The following ABCB1 variants were observed in gnomAD, a reference collection of about 807,000 sequenced individuals.
ABCB1 encodes ATP-dependent translocase ABCB1.
In ABCB1, 69 loss-of-function variants were observed where a neutral mutation model predicts 142.0. The observed-to-expected ratio is 0.49, with a 90% CI of 0.40 to 0.59. The LOEUF (loss-of-function observed/expected upper bound fraction) is 0.59, where lower values mean the gene tolerates loss of function less well. ABCB1 is among the 20% of genes least tolerant of loss of function. The pLI is 0.00. For missense variants in ABCB1, 1,326 were observed against 1,554.7 expected (o/e 0.85, Z 2.47); for synonymous variants, 532 against 539.2 (o/e 0.99, Z 0.18).
chr7:87,698,575 T>G (rs1828721937), intron 1 of ABCB1, among the ~76,000 whole-genome samples: 1 of 151,482 alleles, frequency 6.6e-6, no homozygotes, highest in African/African-American at 2.4e-5. Context: ...GATAATTGGA[T>G]TTTTTTAAAT....
intron 1 of ABCB1, among the ~76,000 whole-genome samples, chr7:87,673,498 C>T (rs926427119): frequency 1.3e-5 from 2 of 152,224 alleles, no homozygotes; most frequent in East Asian, 1.9e-4. Flanking sequence ...TCAGTTTGGT[C>T]GAATCTGCTA....
intron 25 of ABCB1, among the ~76,000 whole-genome samples, chr7:87,512,224 A>G (rs778167267): frequency 3.3e-5 from 5 of 151,778 alleles, no homozygotes; most frequent in Non-Finnish European, 5.9e-5. Context: ...AATCCCTACA[A>G]TTGTATAACC....
intron 1 of ABCB1, among the ~76,000 whole-genome samples, chr7:87,675,841 G>A (rs1476239866): frequency 6.6e-6 from 1 of 152,046 alleles, no homozygotes; most frequent in African/African-American, 2.4e-5. Flanking sequence ...AATTGACATT[G>A]TTCTTGGCAA....
intron 21 of ABCB1, among the ~76,000 whole-genome samples, chr7:87,525,289 G>GA (rs1815734722): frequency 6.6e-6 from 1 of 152,046 alleles, no homozygotes; most frequent in Non-Finnish European, 1.5e-5. Flanking sequence ...TTTCTAGAAA[G>GA]AAAAAATAGC....
intron 7 of ABCB1, among the ~76,000 whole-genome samples, chr7:87,564,942 T>C (rs1424585311): frequency 2.0e-5 from 3 of 152,226 alleles, no homozygotes; most frequent in African/African-American, 7.2e-5. Flanking sequence ...AAAAATCAAT[T>C]GACAAGAAGC....
Position 87,509,469 on chromosome 7 carries a change from T to C in ABCB1, c.3295A>G (p.Lys1099Glu), listed in dbSNP as rs41309225. The C allele has an allele frequency of 1.9e-6, 3 of 1,614,114 alleles. No homozygotes were observed. The highest frequency in any genetic ancestry group is 3.3e-5 in the Admixed American group (2 of 60,020). The change falls in exon 26 of 28, where the codon AAA becomes GAA. Residue 1099 changes from lysine (K) to glutamate (E), a missense_variant. Lys to Glu is a moderately conservative substitution (Grantham distance 56). Transcript: ENST00000622132. ...TGAACATTCAGTCGCTTTATTTCTT[T>C]GCCATCAAGCAGCTGAAAACAAGAG... ...PLAGKVLLDGKEIKRLNVQWL... is the reference protein window; with the variant it reads ...PLAGKVLLDGEEIKRLNVQWL...
chr7:87,654,370 G>A (rs926240782), intron 1 of ABCB1, among the ~76,000 whole-genome samples: 1 of 152,004 alleles, frequency 6.6e-6, no homozygotes, highest in African/African-American at 2.4e-5. Context: ...GATGTTACCA[G>A]CATAAAAACA....
chr7:87,624,112 G>T (rs965147023), intron 1 of ABCB1, among the ~76,000 whole-genome samples: 3 of 152,058 alleles, frequency 2.0e-5, no homozygotes, highest in African/African-American at 7.2e-5. Context: ...TTTTGACTTT[G>T]CTTATGATGA....
At chr7:87,694,093 T>C in intron 1 of ABCB1, 1 of 1,489,516 alleles carries the variant, frequency 6.7e-7, no homozygotes. Context: ...CTTTTTTGTG[T>C]GTTTTTGTTT....
intron 15 of ABCB1, 116 bp downstream of exon 15, chr7:87,545,746 AG>A: frequency 9.2e-7 from 1 of 1,082,306 alleles, no homozygotes; most frequent in Non-Finnish European, 1.3e-6. Flanking sequence ...TGAATCCCCC[AG>A]GTGTTGTTTC....
Position 87,566,219 on chromosome 7 carries a change from C to T in ABCB1, c.553G>A (p.Gly185Arg). The change falls in exon 7 of 28, where the codon GGA (glycine) becomes AGA (arginine). Residue 185 changes from glycine (G) to arginine (R), a missense_variant. By Grantham distance (125) the Gly-to-Arg change is moderately radical. Transcript: ENST00000622132. ...AACATTCCAATTTTGTCACCAATTCCTTCATTAATCTTGGAGACATCACTG... is the reference window on the plus strand; with the variant it reads ...AACATTCCAATTTTGTCACCAATTCTTTCATTAATCTTGGAGACATCACTG... ...LTDDVSKINE[G>R]IGDKIGMFFQ... 1 of 1,613,968 alleles carries T rather than the reference C, an allele frequency of 6.2e-7. No homozygotes were observed. The highest frequency in any genetic ancestry group is 8.5e-7 in the Non-Finnish European group (1 of 1,179,896).
At chr7:87,656,889 A>G (rs1393768657) in intron 1 of ABCB1, among the ~76,000 whole-genome samples, 2 of 152,138 alleles carry the variant, frequency 1.3e-5, no homozygotes, top group Non-Finnish European at 2.9e-5. Flanking sequence ...ATTCAATTGT[A>G]TTTATTGAGT....
At position 87,553,542 on chromosome 7, in the gene ABCB1, G is replaced by T. The variant is rs370085627; in HGVS notation, c.999+219C>A. On this transcript the variant is annotated intron_variant, in intron 9 of 27. Coordinates refer to ENST00000622132, the MANE Select transcript of ABCB1 (RefSeq NM_001348946.2). ...TCACCATGTTAGCCAGGATGGTCTC[G>T]ATCTCCTGACCTCGTGATCTGCCTG... Among the ~76,000 whole-genome samples the T allele has an allele frequency of 2.8e-4, 43 of 152,036 alleles. No individual in the cohort carries two copies. In the East Asian group the frequency reaches 8.3e-3, roughly 29 times the overall value.
rs547369800 is a variant in ABCB1, at chr7:87,707,417, T to C, written c.-331+5744A>G. Among the ~76,000 whole-genome samples the C allele has an allele frequency of 2.0e-5, 3 of 152,304 alleles. No individual in the cohort carries two copies. The South Asian group carries it at 6.2e-4, about 32-fold the overall frequency. ...TTCAAAGGCCGGGTGTGATGGCCTT[T>C]AATCCCAGCACTTTGGGAGACCAAG... On this transcript the variant is annotated intron_variant, in intron 1 of 28. Coordinates refer to the ABCB1 transcript ENST00000265724.
rs188862911 is a variant in ABCB1 at position 87,620,125 on chromosome 7, G to A, written c.-330-19047C>T. 2.7e-3 allele frequency among the ~76,000 whole-genome samples: 409 copies of A among 151,840 alleles called. 2 individuals carry two copies. The highest frequency in any genetic ancestry group is 9.4e-3 in the African/African-American group (388 of 41,434). The stretch of plus-strand genomic sequence containing the variant: ...TCATAGCTGAAAATCCTGTTTAGAC[G>A]TTTGTGAGTAACTCATTTTTTTCTT... On this transcript the variant is annotated intron_variant, in intron 1 of 28. Coordinates refer to the ABCB1 transcript ENST00000265724.
chr7:87,677,202 C>G (rs944266708), intron 1 of ABCB1, among the ~76,000 whole-genome samples: 7 of 151,408 alleles, frequency 4.6e-5, no homozygotes, highest in Admixed American at 2.0e-4. Context: ...GGATTTTTAA[C>G]AGTAGCCAAG....
At chr7:87,605,855 A>G (rs1456539727), upstream of ABCB1, among the ~76,000 whole-genome samples, 1 of 152,228 alleles carries the variant, frequency 6.6e-6, no homozygotes, top group Non-Finnish European at 1.5e-5. Flanking sequence ...AAATATCCTA[A>G]TAAAGATGGT....
chr7:87,533,206 C>T (rs985599027), intron 20 of ABCB1, among the ~76,000 whole-genome samples: 3 of 152,008 alleles, frequency 2.0e-5, no homozygotes, highest in African/African-American at 7.2e-5. Context: ...AGCTGGAGAA[C>T]GGCTGTGGCA....
intron 7 of ABCB1, among the ~76,000 whole-genome samples, chr7:87,562,973 A>G (rs1817629774): frequency 6.6e-6 from 1 of 152,258 alleles, no homozygotes; most frequent in South Asian, 2.1e-4. Flanking sequence ...GTAGTACACA[A>G]CACAGTCATG....
Sources: gnomAD v4.1 joint callset for allele counts (sites outside exome capture counted in the v4.1 genomes callset) on GRCh38, gnomAD v4.1.1 for gene constraint, MANE v1.5 for transcripts, NCBI Gene and HGNC (gene_info 2026-07-23, HGNC 2026-07-21) for gene names.